LIMCH1: variants seen among roughly 807,000 people sequenced by gnomAD.
LIMCH1 encodes the protein LIM and calponin homology domains 1.
Under a neutral mutation model 176.5 loss-of-function variants are expected in LIMCH1, and 113 were observed. That is an observed-to-expected ratio of 0.64 (90% CI 0.55 to 0.75). LIMCH1 has a LOEUF of 0.75. Ranked by LOEUF, LIMCH1 falls within the 30% of genes least tolerant of loss-of-function variation. The pLI, the probability that LIMCH1 is intolerant of heterozygous loss-of-function variation, is 0.00. For synonymous variants in LIMCH1, 619 were observed against 645.9 expected (o/e 0.96, Z 0.63); for missense variants, 1,674 against 1,814.9 (o/e 0.92, Z 1.41).
chr4:41,366,954 A>G (rs1264188042), intron 1 of LIMCH1, among the ~76,000 whole-genome samples: 5 of 152,238 alleles, frequency 3.3e-5, no homozygotes, highest in African/African-American at 1.2e-4. Context: ...CAAGAAACTT[A>G]TAATTATGAT....
intron 9 of LIMCH1, 26 bp from the exon 10 acceptor site, chr4:41,631,122 T>G: frequency 1.4e-6 from 2 of 1,471,018 alleles, no homozygotes; most frequent in Non-Finnish European, 1.8e-6. Flanking sequence ...CAGACACTTT[T>G]AGAACTTATT....
At chr4:41,527,621 G>C (rs1336453383) in intron 3 of LIMCH1, among the ~76,000 whole-genome samples, 1 of 152,088 alleles carries the variant, frequency 6.6e-6, no homozygotes, top group African/African-American at 2.4e-5. Flanking sequence ...GGATCACGAT[G>C]TCAGGAGATT....
intron 1 of LIMCH1, among the ~76,000 whole-genome samples, chr4:41,546,810 C>A (rs1189362062): frequency 6.6e-6 from 1 of 151,756 alleles, no homozygotes; most frequent in African/African-American, 2.4e-5. Context: ...CACAGAAATG[C>A]CAAGGATTCC....
chr4:41,377,874 A>G (rs922502018), intron 1 of LIMCH1, among the ~76,000 whole-genome samples: 2 of 152,216 alleles, frequency 1.3e-5, no homozygotes, highest in South Asian at 4.1e-4. Flanking sequence ...TAATCCATTA[A>G]TTCATGAATG....
At chr4:41,521,659 A>G (rs1364372141) in intron 2 of LIMCH1, among the ~76,000 whole-genome samples, 1 of 152,172 alleles carries the variant, frequency 6.6e-6, no homozygotes, top group Non-Finnish European at 1.5e-5. Flanking sequence ...TTATAAACAG[A>G]ACACTGGATT....
rs184638561 is a variant in LIMCH1 at position 41,426,514 on chromosome 4, G to A, written c.96+65578G>A. On this transcript the variant is annotated intron_variant, in intron 1 of 26. Coordinates refer to the LIMCH1 transcript ENST00000313860. ...CAATTTTACTTTAGAAATATTATAT[G>A]CTTAGAGTAATTCAGATAACTCAGT... 5.3e-5 allele frequency among the ~76,000 whole-genome samples: 8 copies of A among 152,324 alleles called. No individual in the cohort carries two copies. In the East Asian group the frequency reaches 1.5e-3, roughly 29 times the overall value.
chr4:41,591,553 A>AT (rs570456579), intron 1 of LIMCH1, among the ~76,000 whole-genome samples: 131 of 152,268 alleles, frequency 8.6e-4, no homozygotes, highest in African/African-American at 3.0e-3. Flanking sequence ...CCTTACTAAG[A>AT]TTTTTAGGGC....
At chr4:41,518,503 T>G (rs1194882399) in intron 2 of LIMCH1, among the ~76,000 whole-genome samples, 1 of 152,210 alleles carries the variant, frequency 6.6e-6, no homozygotes. Context: ...CAAAGAGTTA[T>G]TAAATGCAGT....
chr4:41,644,284 T>G (rs2093957096), intron 14 of LIMCH1, among the ~76,000 whole-genome samples: 1 of 152,190 alleles, frequency 6.6e-6, no homozygotes, highest in Non-Finnish European at 1.5e-5. Context: ...GACGGTCACA[T>G]TTTGGCGTTT....
intron 1 of LIMCH1, among the ~76,000 whole-genome samples, chr4:41,567,206 G>A (rs2082893526): frequency 6.6e-6 from 1 of 152,182 alleles, no homozygotes; most frequent in African/African-American, 2.4e-5. Flanking sequence ...CACTTGCTGT[G>A]CATACATGCT....
intron 1 of LIMCH1, among the ~76,000 whole-genome samples, chr4:41,476,082 C>T (rs2067694192): frequency 6.6e-6 from 1 of 152,176 alleles, no homozygotes; most frequent in Non-Finnish European, 1.5e-5. Flanking sequence ...AGTGATCCTC[C>T]TGCCTCAGCC....
At chr4:41,411,506 T>C (rs942917629) in intron 1 of LIMCH1, among the ~76,000 whole-genome samples, 41 of 152,084 alleles carry the variant, frequency 2.7e-4, no homozygotes, top group Non-Finnish European at 4.4e-5. Flanking sequence ...ACTGCCCAGC[T>C]TGCTGTTTTT....
At chr4:41,513,144 A>C (rs1295922875) in intron 2 of LIMCH1, among the ~76,000 whole-genome samples, 1 of 152,250 alleles carries the variant, frequency 6.6e-6, no homozygotes, top group Admixed American at 6.5e-5. Flanking sequence ...TACAAAAATA[A>C]AACTAAAAAA....
rs769175851 is a variant in LIMCH1 at position 41,646,841 on chromosome 4, C to T, written c.2768C>T (p.Pro923Leu). 6.2e-7 allele frequency: 1 copy of T among 1,614,014 alleles called. No homozygotes were observed. Among genetic ancestry groups the T allele is most frequent in the African/African-American group, 1.3e-5 (1 of 74,906 alleles). Residue 923 changes from proline (P) to leucine (L), a missense_variant, in exon 17 of 32, where the codon CCC becomes CTC. By Grantham distance (98) the Pro-to-Leu change is moderately conservative. Around this residue, in one of 3 missense-constraint regions of LIMCH1, gnomAD observed 1,015 missense variants for 1,102.5 expected, o/e 0.92. Transcript: ENST00000503057. ...CCCAAAGCAGTGCCTATGCTGACACCCAAGCCTTACTCCCAGCCCAAAAAT... is the reference window on the plus strand; with the variant it reads ...CCCAAAGCAGTGCCTATGCTGACACTCAAGCCTTACTCCCAGCCCAAAAAT... ...VTPKAVPMLT[P>L]KPYSQPKNSQ...
intron 1 of LIMCH1, among the ~76,000 whole-genome samples, chr4:41,490,552 C>G (rs2070613337): frequency 6.6e-6 from 1 of 152,070 alleles, no homozygotes; most frequent in Non-Finnish European, 1.5e-5. Flanking sequence ...ACCATTTAAC[C>G]CTGAGTTGAC....
At chr4:41,625,736 G>C (rs2092907294) in intron 7 of LIMCH1, among the ~76,000 whole-genome samples, 1 of 152,180 alleles carries the variant, frequency 6.6e-6, no homozygotes, top group African/African-American at 2.4e-5. Flanking sequence ...TTGCAGCCTG[G>C]CTGGGTTCAC....
chr4:41,480,335 G>A (rs190807748), intron 1 of LIMCH1, among the ~76,000 whole-genome samples: 93 of 152,296 alleles, frequency 6.1e-4, no homozygotes, highest in African/African-American at 2.2e-3. Flanking sequence ...CTGGCCGGGT[G>A]CAGTGGCTCA....
intron 2 of LIMCH1, among the ~76,000 whole-genome samples, chr4:41,512,681 T>G (rs2075072529): frequency 6.6e-6 from 1 of 152,236 alleles, no homozygotes. Context: ...TTCATTTATA[T>G]AAATGTTCTG....
At chr4:41,384,832 G>A (rs574741868) in intron 1 of LIMCH1, among the ~76,000 whole-genome samples, 1 of 152,152 alleles carries the variant, frequency 6.6e-6, no homozygotes, top group Non-Finnish European at 1.5e-5. Flanking sequence ...ATTACTTGGT[G>A]TTGATCAGAA....
Sources: gnomAD v4.1 joint callset for allele counts (sites outside exome capture counted in the v4.1 genomes callset) on GRCh38, gnomAD v4.1.1 for gene constraint, gnomAD v4.1.1 regional missense constraint, MANE v1.5 for transcripts, NCBI Gene and HGNC (gene_info 2026-07-23, HGNC 2026-07-21) for gene names.